TEP1: variants seen among roughly 807,000 people sequenced by gnomAD.
TEP1 encodes the protein telomerase protein component 1.
A neutral mutation model predicts 306.3 loss-of-function variants in TEP1; 241 were observed. The ratio of observed to expected loss-of-function variants is 0.79; its 90% CI spans 0.71 to 0.88. The LOEUF is 0.88. TEP1 is among the 40% of genes least tolerant of loss of function. TEP1 has a pLI of 0.00. For synonymous variants in TEP1, 1,289 were observed against 1,305.5 expected (o/e 0.99, Z 0.27); for missense variants, 3,051 against 3,276.1 (o/e 0.93, Z 1.68).
Position 20,371,282 on chromosome 14 carries a change from G to A in TEP1, c.7253C>T (p.Ser2418Phe). Residue 2418 changes from serine (S) to phenylalanine (F), a missense_variant, in exon 51 of 55, where the codon TCC becomes TTC. Around this residue, in one of 3 missense-constraint regions of TEP1, gnomAD observed 1,540 missense variants for 1,705.9 expected, o/e 0.90. Transcript: ENST00000262715. ...AAATATGCCATACTCCTTGTGGGTG[G>A]ACAATATCATAGGATTTTCTGTATA... ...SSYTENPMIL[S>F]THKEYGIFVL... 6.2e-7 allele frequency: 1 copy of A among 1,614,174 alleles called. No homozygotes were observed. Among genetic ancestry groups the A allele is most frequent in the Non-Finnish European group, 8.5e-7 (1 of 1,180,022 alleles).
In TEP1 at chr14:20,385,617, C is replaced by T. The variant is rs542465299; in HGVS notation, c.2982+458G>A. On this transcript the variant is annotated intron_variant, in intron 20 of 54. Coordinates refer to ENST00000262715, the MANE Select transcript of TEP1 (RefSeq NM_007110.5). ...CAAACTCCTGACCTCAGGTGATCCACCCGCCTTGGTCTCCCAAACTGCTGG... is the reference window on the plus strand; with the variant it reads ...CAAACTCCTGACCTCAGGTGATCCATCCGCCTTGGTCTCCCAAACTGCTGG... 1.0e-3 allele frequency among the ~76,000 whole-genome samples: 159 copies of T among 152,366 alleles called. 1 individual carries two copies. The highest frequency in any genetic ancestry group is 3.8e-3 in the African/African-American group (156 of 41,582).
At position 20,381,566 on chromosome 14, in the gene TEP1, G is replaced by A; in HGVS notation, c.4545C>T (p.His1515=). 1 of 1,613,736 alleles carries A rather than the reference G, an allele frequency of 6.2e-7. No individual in the cohort carries two copies. The highest frequency in any genetic ancestry group is 8.5e-7 in the Non-Finnish European group (1 of 1,180,026). The part of the protein sequence containing the change: ...GKRPGLEDTA[H]ILIAAQLWKT... The stretch of plus-strand genomic sequence containing the variant: ...GGCTGCAATCACCTGCAATGAGGAT[G>A]TGTGCCGTGTCCTCTAGCCCTGGCC... The change falls in exon 31 of 55, where the codon CAC becomes CAT. Residue 1515 remains histidine (H), a synonymous_variant. Coordinates refer to ENST00000262715, the MANE Select transcript of TEP1 (RefSeq NM_007110.5). The surrounding 1 kb of genome is among the most constrained non-coding windows in gnomAD (Gnocchi z 4.0).
intron 33 of TEP1, 131 bp from the exon 34 acceptor site, chr14:20,380,606 A>C (rs1410659699): frequency 7.2e-7 from 1 of 1,379,810 alleles, no homozygotes; most frequent in Non-Finnish European, 9.5e-7. Context: ...TATCAGGAAT[A>C]TCTCTTAAAA....
chr14:20,384,381 T>C lies in TEP1; in HGVS notation c.3339+10A>G. 6.2e-7 allele frequency: 1 copy of C among 1,613,526 alleles called. No homozygotes were observed. Among genetic ancestry groups the C allele is most frequent in the South Asian group, 1.1e-5 (1 of 91,080 alleles). ...TCTCCATGCCTCTGGTCACCAGTGC[T>C]TCTGCTGACCTGCAGGTAGAGCTTC... On this transcript the variant is annotated intron_variant, in intron 23 of 54. Coordinates refer to ENST00000262715, the MANE Select transcript of TEP1 (RefSeq NM_007110.5).
Position 20,386,158 on chromosome 14 carries a change from G to A in TEP1, c.2899C>T (p.Gln967Ter), listed in dbSNP as rs1438599132. 6.2e-6 allele frequency: 10 copies of A among 1,613,692 alleles called. No individual in the cohort carries two copies. The highest frequency in any genetic ancestry group is 8.5e-6 in the Non-Finnish European group (10 of 1,179,896). Residue 967 changes from glutamine (Q) to a stop codon, truncating the protein, a stop_gained, in exon 20 of 55, where the codon CAG becomes TAG. Coordinates refer to ENST00000262715, the MANE Select transcript of TEP1 (RefSeq NM_007110.5). LOFTEE classifies it high-confidence loss of function. ...GAGCCCAGAATCCCCACAAACAGCT[G>A]TGCGTTCTCCACCTCCCCAAGGCAC... ...EVCLGEVENA[Q>*]LFVGILGSRY...
chr14:20,370,056 G>T (rs1049666245), intron 51 of TEP1, among the ~76,000 whole-genome samples: 1 of 152,202 alleles, frequency 6.6e-6, no homozygotes, highest in South Asian at 2.1e-4. Flanking sequence ...TGGGAACACC[G>T]GCGTGCGCCA....
In TEP1 at chr14:20,381,678, C is replaced by T. The variant is rs988589709; in HGVS notation, c.4433G>A (p.Gly1478Glu). 2 of 1,603,754 alleles carry T rather than the reference C, an allele frequency of 1.2e-6. No individual in the cohort carries two copies. Among genetic ancestry groups the T allele is most frequent in the African/African-American group, 2.7e-5 (2 of 74,330 alleles). Reference protein sequence around the residue: ...CLVQSLRSLLGEGPLERPGAR... With the variant: ...CLVQSLRSLLEEGPLERPGAR... ...ACCAGGGCGCTCCAGAGGGCCCTCC[C>T]CTAGCAAACTGTCCTCGTGTGAGGA... The change falls in exon 31 of 55, where the codon GGG becomes GAG. Residue 1478 changes from glycine to glutamate, a missense_variant. Gly to Glu is a moderately conservative substitution (Grantham distance 98). Coordinates refer to ENST00000262715, the MANE Select transcript of TEP1 (RefSeq NM_007110.5). This position sits in a 1 kb window ranked among gnomAD's most constrained non-coding sequence, Gnocchi z 4.0.
rs938886 is a variant in TEP1 at position 20,369,542 on chromosome 14, G to C, written c.7458C>G (p.Ile2486Met). The change falls in exon 53 of 55, where the codon ATC (isoleucine) becomes ATG (methionine). Residue 2486 changes from isoleucine to methionine, a missense_variant. Coordinates refer to ENST00000262715, the MANE Select transcript of TEP1 (RefSeq NM_007110.5). ...SSFLCASSDG[I>M]LWNLAKCSPE... The stretch of plus-strand genomic sequence containing the variant: ...GGCTGCATTTGGCCAGGTTCCATAG[G>C]ATCCCATCAGAGCTGGCACACAAAA... 374,633 of 1,613,600 alleles carry C rather than the reference G, an allele frequency of 0.23. 46,967 individuals carry two copies. The highest frequency in any genetic ancestry group is 0.46 in the African/African-American group (34,374 of 74,852).
In TEP1 at chr14:20,381,934, C is replaced by T. The variant is rs1713456; in HGVS notation, c.4403G>A (p.Cys1468Tyr). The change falls in exon 30 of 55, where the codon TGC becomes TAC. Residue 1468 changes from cysteine (C) to tyrosine (Y), a missense_variant. Physicochemically the swap from Cys to Tyr is radical, Grantham distance 194. Transcript: ENST00000262715. The surrounding 1 kb of genome is among the most constrained non-coding windows in gnomAD (Gnocchi z 4.0). ...GDPYPMGPFA[C>Y]LVQSLRSLLG... ...GTACCTGCGCAGACTCTGGACGAGG[C>T]AGGCAAACGGGCCCATGGGGTAGGG... 0.19 allele frequency: 309,741 copies of T among 1,613,728 alleles called. 32,302 individuals carry two copies. Among genetic ancestry groups the T allele is most frequent in the African/African-American group, 0.41 (30,887 of 74,884 alleles).
rs756543931 is a variant in TEP1, at chr14:20,373,818, C to G, written c.6472-8G>C. The G allele has an allele frequency of 6.2e-7, 1 of 1,612,052 alleles. No homozygotes were observed. Among genetic ancestry groups the G allele is most frequent in the Non-Finnish European group, 8.5e-7 (1 of 1,179,646 alleles). ...AGACACCACGTGCTCCTCCTGCCCACAGAGCACAAGATCAGAGCAGAGTCA... is the reference window on the plus strand; with the variant it reads ...AGACACCACGTGCTCCTCCTGCCCAGAGAGCACAAGATCAGAGCAGAGTCA... On this transcript the variant is annotated splice_polypyrimidine_tract_variant and splice_region_variant and intron_variant, in intron 44 of 54. Transcript: ENST00000262715.
intron 20 of TEP1, among the ~76,000 whole-genome samples, chr14:20,385,664 C>T (rs1877082305): frequency 2.0e-5 from 3 of 152,252 alleles, no homozygotes; most frequent in African/African-American, 7.2e-5. Flanking sequence ...TGAGCCACTG[C>T]ACCTGGCCCT....
chr14:20,391,505 G>A (rs544341456), intron 13 of TEP1, 94 bp downstream of exon 13: 3 of 1,401,610 alleles, frequency 2.1e-6, no homozygotes, highest in East Asian at 4.6e-5. Flanking sequence ...CTGAGTGTTT[G>A]CCTGGGAAAA....
chr14:20,381,807 C>T lies in TEP1; in HGVS notation c.4424+106G>A, dbSNP rs917487095. On this transcript the variant is annotated intron_variant, in intron 30 of 54. Coordinates refer to ENST00000262715, the MANE Select transcript of TEP1 (RefSeq NM_007110.5). The surrounding 1 kb of genome is among the most constrained non-coding windows in gnomAD (Gnocchi z 4.0). Reference sequence around the variant, plus strand: ...GAAACTGGAGCAGCTGGAGCAGTAGCTCATTCATGGTCTGGGAGCCAGTTG... The same window carrying T: ...GAAACTGGAGCAGCTGGAGCAGTAGTTCATTCATGGTCTGGGAGCCAGTTG... 6.5e-6 allele frequency: 10 copies of T among 1,542,196 alleles called. No individual in the cohort carries two copies. In the African/African-American group the frequency reaches 1.1e-4, roughly 17 times the overall value.
At position 20,378,475 on chromosome 14, in the gene TEP1, A is replaced by G; in HGVS notation, c.5413T>C (p.Cys1805Arg). ...TGCCCCTCTGGGTGGAAGGCAACAC[A>G]GTTCAGGGACTTGGGGTAGGTGTGC... is the stretch of plus-strand genomic sequence containing the variant. ...FQHTYPKSLN[C>R]VAFHPEGQVI... is the part of the protein sequence containing the mutation. Residue 1805 changes from cysteine to arginine, a missense_variant, in exon 38 of 55, where the codon TGT becomes CGT. Transcript: ENST00000262715. 6.2e-7 allele frequency: 1 copy of G among 1,614,200 alleles called. No individual in the cohort carries two copies. Among genetic ancestry groups the G allele is most frequent in the Non-Finnish European group, 8.5e-7 (1 of 1,180,034 alleles).
intron 51 of TEP1, 49 bp from the exon 52 acceptor site, chr14:20,369,828 T>C (rs1884719750): frequency 6.8e-7 from 1 of 1,473,380 alleles, no homozygotes; most frequent in African/African-American, 1.4e-5. Flanking sequence ...TGAGTCAACT[T>C]GTACCAGACA....
chr14:20,390,625 C>T (rs2139110511), intron 15 of TEP1, 56 bp downstream of exon 15: 2 of 1,525,932 alleles, frequency 1.3e-6, no homozygotes, highest in Non-Finnish European at 1.8e-6. Flanking sequence ...TGAAATATAT[C>T]AGTTGCAGAG....
At chr14:20,399,712 T>TA (rs1308271683) in intron 9 of TEP1, among the ~76,000 whole-genome samples, 2 of 148,990 alleles carry the variant, frequency 1.3e-5, no homozygotes, top group African/African-American at 2.5e-5. Flanking sequence ...AGTATATGAT[T>TA]AAAAAAAAGA....
rs1490482692 is a variant in TEP1 at position 20,367,049 on chromosome 14, T to C, written c.*1388A>G. 1 of 152,212 alleles carries C rather than the reference T, an allele frequency of 6.6e-6. No individual in the cohort carries two copies. Among genetic ancestry groups the C allele is most frequent in the African/African-American group, 2.4e-5 (1 of 41,454 alleles). 9.4% of individuals were successfully genotyped at this position (152,212 alleles called of 1,614,324 possible). ...TGCTCAATAGATTCTTCCATATGAT[T>C]GAATTTTAGAAATATAATAAAGTTC... On this transcript the variant is annotated 3_prime_UTR_variant, in exon 55 of 55. Coordinates refer to ENST00000262715, the MANE Select transcript of TEP1 (RefSeq NM_007110.5).
At position 20,372,588 on chromosome 14, in the gene TEP1, AT is replaced by A. The variant is rs1281330587; in HGVS notation, c.7076+144del. The A allele has an allele frequency of 2.1e-4, 275 of 1,303,766 alleles. 3 individuals carry two copies. The South Asian group carries it at 2.2e-3, about 11-fold the overall frequency. 80.8% of individuals were successfully genotyped at this position (1,303,766 alleles called of 1,614,324 possible). On this transcript the variant is annotated intron_variant, in intron 49 of 54. Transcript: ENST00000262715. Reference sequence around the variant, plus strand: ...CTGAGAATTATTCATTTACATTGCCATGGACAGAAGCAGAAAATAATGTCCC... The same window carrying A: ...CTGAGAATTATTCATTTACATTGCCAGGACAGAAGCAGAAAATAATGTCCC...
Sources: allele counts gnomAD v4.1 joint callset (sites outside exome capture counted in the v4.1 genomes callset), GRCh38; gene constraint gnomAD v4.1.1; regional missense constraint gnomAD v4.1.1; non-coding constraint Gnocchi (gnomAD v3.1); transcripts MANE v1.5; gene names NCBI Gene and HGNC (gene_info 2026-07-23, HGNC 2026-07-21).